Variants in BRD4 observed in about 807,000 individuals in gnomAD.
BRD4 encodes bromodomain containing 4, also known as bromodomain-containing protein 4.
BRD4 carries 16 observed loss-of-function variants against 142.1 expected under a neutral mutation model. The observed-to-expected ratio is 0.11, with a 90% CI of 0.08 to 0.17. BRD4 has a LOEUF of 0.17. Ranked by LOEUF, BRD4 falls within the 10% of genes least tolerant of loss-of-function variation. BRD4 has a pLI of 1.00. For synonymous variants in BRD4, 833 were observed against 707.5 expected (o/e 1.18, Z -2.82); for missense variants, 1,424 against 1,810.9 (o/e 0.79, Z 3.88).
intron 2 of BRD4, 24 bp from the exon 3 acceptor site, chr19:15,269,066 C>T (rs758315415): frequency 1.2e-6 from 2 of 1,612,994 alleles, no homozygotes; most frequent in Admixed American, 3.3e-5. Context: ...AGCAAAAGTC[C>T]AGTGTCACCT....
intron 14 of BRD4, among the ~76,000 whole-genome samples, chr19:15,242,212 C>T (rs2047243485): frequency 1.3e-5 from 2 of 151,828 alleles, no homozygotes; most frequent in South Asian, 4.2e-4. Context: ...CAGGCAGCAC[C>T]ATCTACACTG....
intron 1 of BRD4, among the ~76,000 whole-genome samples, chr19:15,310,047 CAT>C (rs2047953152): frequency 6.6e-6 from 1 of 152,020 alleles, no homozygotes; most frequent in Non-Finnish European, 1.5e-5. Context: ...TGAGGCAATG[CAT>C]AGAGAAATGT....
rs78930274 is a variant in BRD4 at position 15,288,263 on chromosome 19, C to T, written c.-34-15130G>A. Reference sequence around the variant, plus strand: ...CTTAAGAAATGTTTGCTGAAGTACACAGAGGTAATATCACATCTGCAACTT... The same window carrying T: ...CTTAAGAAATGTTTGCTGAAGTACATAGAGGTAATATCACATCTGCAACTT... On this transcript the variant is annotated intron_variant, in intron 1 of 19. Transcript: ENST00000679869. Among the ~76,000 whole-genome samples the T allele has an allele frequency of 3.2e-3, 482 of 152,254 alleles. 2 individuals carry two copies. The highest frequency in any genetic ancestry group is 0.011 in the African/African-American group (466 of 41,532).
intron 1 of BRD4, among the ~76,000 whole-genome samples, chr19:15,287,693 A>G (rs1418824209): frequency 1.3e-5 from 2 of 152,306 alleles, no homozygotes; most frequent in Admixed American, 6.5e-5. Context: ...GTGAAACCAC[A>G]AAGTATTTGT....
Position 15,253,971 on chromosome 19 carries a change from A to G in BRD4, c.2158+181T>C, listed in dbSNP as rs2047378068. 25 of 693,644 alleles carry G rather than the reference A, an allele frequency of 3.6e-5. 2 individuals carry two copies. The South Asian group carries it at 4.4e-4, about 12-fold the overall frequency. The allele number at this position is 693,644 out of a possible 1,614,324, so 43.0% of individuals were successfully genotyped here. Reference sequence around the variant, plus strand: ...GCCGAGAGAATGGACACTACTGCACAGAGTGCAGGGCTATTCATGGCCCCA... The same window carrying G: ...GCCGAGAGAATGGACACTACTGCACGGAGTGCAGGGCTATTCATGGCCCCA... On this transcript the variant is annotated intron_variant, in intron 11 of 19. Coordinates refer to ENST00000679869, the MANE Select transcript of BRD4 (RefSeq NM_001379291.1).
chr19:15,301,411 A>C (rs1426037809), intron 1 of BRD4, among the ~76,000 whole-genome samples: 1 of 152,068 alleles, frequency 6.6e-6, no homozygotes, highest in Non-Finnish European at 1.5e-5. Flanking sequence ...AAATACAAAA[A>C]TTAGTCGGGC....
At chr19:15,242,783 G>A (rs2047248588) in intron 14 of BRD4, 117 bp downstream of exon 14, 6 of 1,468,250 alleles carry the variant, frequency 4.1e-6, no homozygotes, top group Non-Finnish European at 5.5e-6. Context: ...TCCAAGCTGA[G>A]GCTCAGCTCT....
rs537895124 is a variant in BRD4 at position 15,289,671 on chromosome 19, A to G, written c.-34-16538T>C. On this transcript the variant is annotated intron_variant, in intron 1 of 19. Coordinates refer to ENST00000679869, the MANE Select transcript of BRD4 (RefSeq NM_001379291.1). ...AGTAATTGCGGTTTTGATCCAAAAA[A>G]AAAAAGAAAAAAAAAAGCCAAAACA... Among the ~76,000 whole-genome samples, 23 of 150,546 alleles carry G rather than the reference A, an allele frequency of 1.5e-4. No homozygotes were observed. In the South Asian group the frequency reaches 2.4e-3, roughly 16 times the overall value.
In BRD4 at chr19:15,238,145, G is replaced by C; in HGVS notation, c.*232C>G. On this transcript the variant is annotated 3_prime_UTR_variant, in exon 20 of 20. Coordinates refer to ENST00000679869, the MANE Select transcript of BRD4 (RefSeq NM_001379291.1). This position sits in a 1 kb window ranked among gnomAD's most constrained non-coding sequence, Gnocchi z 7.2. ...TTGCTCGTAACAAGGCGTGTGCTGAGCGGACGTCCTGTGAGGGGTGGTGGG... is the reference window on the plus strand; with the variant it reads ...TTGCTCGTAACAAGGCGTGTGCTGACCGGACGTCCTGTGAGGGGTGGTGGG... 1 of 598,778 alleles carries C rather than the reference G, an allele frequency of 1.7e-6. No individual in the cohort carries two copies. The highest frequency in any genetic ancestry group is 2.9e-6 in the Non-Finnish European group (1 of 346,764). 37.1% of individuals were successfully genotyped at this position (598,778 alleles called of 1,614,324 possible).
At chr19:15,245,041 T>A (rs1240802480) in intron 11 of BRD4, 1 of 555,338 alleles carries the variant, frequency 1.8e-6, no homozygotes, top group Non-Finnish European at 3.2e-6. Flanking sequence ...CACCGGAAGC[T>A]GAGAGCTTGC....
intron 2 of BRD4, among the ~76,000 whole-genome samples, chr19:15,269,919 C>T (rs953041905): frequency 6.6e-6 from 1 of 152,182 alleles, no homozygotes; most frequent in Non-Finnish European, 1.5e-5. Context: ...AAGGAATGTG[C>T]GGACAGATCA....
Position 15,315,154 on chromosome 19 carries a change from T to G in BRD4, c.-35+17136A>C, listed in dbSNP as rs542424914. Among the ~76,000 whole-genome samples the G allele has an allele frequency of 4.5e-4, 68 of 151,444 alleles. No individual in the cohort carries two copies. The South Asian group carries it at 0.011, about 25-fold the overall frequency. ...ACCATTTTCTCTGGACTGGCTTTGTTTTTTTTTTCCCCCCACAGGTATTCA... is the reference window on the plus strand; with the variant it reads ...ACCATTTTCTCTGGACTGGCTTTGTGTTTTTTTTCCCCCCACAGGTATTCA... On this transcript the variant is annotated intron_variant, in intron 1 of 19. Coordinates refer to ENST00000679869, the MANE Select transcript of BRD4 (RefSeq NM_001379291.1).
At chr19:15,310,817 C>G (rs2145710142) in intron 1 of BRD4, among the ~76,000 whole-genome samples, 2 of 151,958 alleles carry the variant, frequency 1.3e-5, no homozygotes, top group South Asian at 4.1e-4. Context: ...TTAGGCAGTC[C>G]TGAAAGACAC....
chr19:15,282,415 GGT>G (rs2047711876), intron 1 of BRD4, among the ~76,000 whole-genome samples: 1 of 152,198 alleles, frequency 6.6e-6, no homozygotes, highest in Non-Finnish European at 1.5e-5. Flanking sequence ...GGTGGTGGCA[GGT>G]GTGTGGATGA....
chr19:15,318,765 A>G (rs2048037072), intron 1 of BRD4, among the ~76,000 whole-genome samples: 1 of 152,250 alleles, frequency 6.6e-6, no homozygotes, highest in Admixed American at 6.5e-5. Context: ...TACAAACAGC[A>G]GCAGCTTCAG....
chr19:15,278,055 A>C (rs1211500330), intron 1 of BRD4, among the ~76,000 whole-genome samples: 1 of 128,738 alleles, frequency 7.8e-6, no homozygotes, highest in African/African-American at 2.9e-5. Flanking sequence ...GCAGTGAGCC[A>C]AGATAGCACA....
chr19:15,331,970 C>A (rs1221767982), intron 1 of BRD4: 2 of 139,290 alleles, frequency 1.4e-5, no homozygotes, highest in African/African-American at 5.2e-5. Context: ...CCGCCGGCCC[C>A]GCCGCGGCGC....
chr19:15,238,277 G>T lies in BRD4; in HGVS notation c.*100C>A. On this transcript the variant is annotated 3_prime_UTR_variant, in exon 20 of 20. Coordinates refer to ENST00000679869, the MANE Select transcript of BRD4 (RefSeq NM_001379291.1). The surrounding 1 kb of genome is among the most constrained non-coding windows in gnomAD (Gnocchi z 7.2). Reference sequence around the variant, plus strand: ...GCATGCAGGAGGGCCAGGCCCTGAGGCATCCCCTGGCCGCTGATCCCACCT... The same window carrying T: ...GCATGCAGGAGGGCCAGGCCCTGAGTCATCCCCTGGCCGCTGATCCCACCT... The T allele has an allele frequency of 6.4e-7, 1 of 1,561,970 alleles. No individual in the cohort carries two copies. Among genetic ancestry groups the T allele is most frequent in the Non-Finnish European group, 8.7e-7 (1 of 1,149,690 alleles).
At chr19:15,263,578 G>C (rs1410420845) in intron 6 of BRD4, 30 bp from the exon 7 acceptor site, 1 of 1,612,076 alleles carries the variant, frequency 6.2e-7, no homozygotes, top group Non-Finnish European at 8.5e-7. Flanking sequence ...CCTGTTAGCT[G>C]TGTCTGCCCA....
Sources: allele counts gnomAD v4.1 joint callset (sites outside exome capture counted in the v4.1 genomes callset), GRCh38; gene constraint gnomAD v4.1.1; non-coding constraint Gnocchi (gnomAD v3.1); transcripts MANE v1.5; gene names NCBI Gene and HGNC (gene_info 2026-07-23, HGNC 2026-07-21).